DOCK1: variants seen among roughly 807,000 people sequenced by gnomAD.
DOCK1 encodes dedicator of cytokinesis 1.
In DOCK1, 138 loss-of-function variants were observed where a neutral mutation model predicts 262.7. The observed-to-expected ratio is 0.53, with a 90% CI of 0.46 to 0.61. The LOEUF is 0.61. Ranked by LOEUF, DOCK1 falls within the 20% of genes least tolerant of loss-of-function variation. DOCK1 has a pLI of 0.00. For synonymous variants in DOCK1, 866 were observed against 867.4 expected (o/e 1.00, Z 0.03); for missense variants, 1,908 against 2,370.7 (o/e 0.80, Z 4.05).
intron 12 of DOCK1, among the ~76,000 whole-genome samples, chr10:127,013,910 G>A (rs577058421): frequency 1.6e-4 from 25 of 152,340 alleles, no homozygotes; most frequent in African/African-American, 5.3e-4. Context: ...ATCGGCCGCC[G>A]GGACTGCAGG....
intron 18 of DOCK1, among the ~76,000 whole-genome samples, chr10:127,036,906 G>A (rs751863168): frequency 2.7e-5 from 4 of 150,612 alleles, no homozygotes; most frequent in African/African-American, 4.9e-5. Context: ...GAACCCAGGA[G>A]GCGGAGGTTG....
intron 25 of DOCK1, among the ~76,000 whole-genome samples, chr10:127,114,076 C>T (rs1008970256): frequency 6.6e-6 from 1 of 152,190 alleles, no homozygotes; most frequent in African/African-American, 2.4e-5. Flanking sequence ...TACATGCCAC[C>T]TCATGGCTCC....
chr10:127,427,838 C>G (rs1164319087), intron 47 of DOCK1, among the ~76,000 whole-genome samples: 3 of 152,368 alleles, frequency 2.0e-5, no homozygotes, highest in African/African-American at 4.8e-5. Flanking sequence ...AGCCTAGGAC[C>G]TGGTGTCCCT....
chr10:127,164,050 T>G (rs2133719420), intron 27 of DOCK1, among the ~76,000 whole-genome samples: 1 of 151,856 alleles, frequency 6.6e-6, no homozygotes, highest in African/African-American at 2.4e-5. Context: ...AGCATCACAG[T>G]TAGCAGGGAG....
intron 13 of DOCK1, 91 bp downstream of exon 13, chr10:127,018,926 T>C: frequency 6.5e-7 from 1 of 1,548,288 alleles, no homozygotes; most frequent in South Asian, 1.2e-5. Context: ...GTATGAGCTC[T>C]GGCAAGGAAA....
chr10:127,385,020 A>C, intron 38 of DOCK1, 111 bp downstream of exon 38: 3 of 1,311,092 alleles, frequency 2.3e-6, no homozygotes, highest in Non-Finnish European at 3.0e-6. Context: ...AATTTGTTAC[A>C]AGTTGTATAT....
intron 27 of DOCK1, among the ~76,000 whole-genome samples, chr10:127,241,706 A>G (rs1212714369): frequency 6.6e-6 from 1 of 152,136 alleles, no homozygotes; most frequent in Non-Finnish European, 1.5e-5. Context: ...CCTTGCTGAT[A>G]TGCTGGGAGC....
intron 29 of DOCK1, among the ~76,000 whole-genome samples, chr10:127,283,617 C>A (rs978111678): frequency 1.3e-5 from 2 of 152,200 alleles, no homozygotes; most frequent in Admixed American, 6.5e-5. Context: ...ATACTTTATT[C>A]TTTCATAATC....
chr10:127,342,780 C>CAT (rs201900493), intron 30 of DOCK1, among the ~76,000 whole-genome samples: 1 of 123,384 alleles, frequency 8.1e-6, no homozygotes, highest in Non-Finnish European at 1.9e-5. Flanking sequence ...TTTTAAACCG[C>CAT]ATATATGTAG....
At chr10:127,234,404 A>G (rs1395869453) in intron 27 of DOCK1, among the ~76,000 whole-genome samples, 1 of 152,182 alleles carries the variant, frequency 6.6e-6, no homozygotes, top group Non-Finnish European at 1.5e-5. Context: ...CAAAATGTTC[A>G]AAGGGTTATT....
chr10:127,354,291 C>A (rs1034999903), intron 31 of DOCK1, among the ~76,000 whole-genome samples: 1 of 152,296 alleles, frequency 6.6e-6, no homozygotes, highest in South Asian at 2.1e-4. Context: ...TGGAAAGCAA[C>A]CTGTTGTGTG....
intron 16 of DOCK1, among the ~76,000 whole-genome samples, chr10:127,030,697 C>T (rs1344941917): frequency 2.0e-5 from 3 of 152,170 alleles, no homozygotes; most frequent in Non-Finnish European, 2.9e-5. Context: ...TAGGAAATGG[C>T]AGTAAAACAA....
chr10:127,064,452 T>C (rs1415120778), intron 23 of DOCK1, among the ~76,000 whole-genome samples: 1 of 152,202 alleles, frequency 6.6e-6, no homozygotes, highest in Non-Finnish European at 1.5e-5. Context: ...CAGCTAGAAT[T>C]TTCAACAGGA....
intron 27 of DOCK1, among the ~76,000 whole-genome samples, chr10:127,149,316 C>A (rs946993142): frequency 6.6e-6 from 1 of 152,182 alleles, no homozygotes; most frequent in Non-Finnish European, 1.5e-5. Flanking sequence ...CAGGCTCTCA[C>A]GGGCTGATGT....
At chr10:127,269,871 GC>G (rs2060498406) in intron 29 of DOCK1, among the ~76,000 whole-genome samples, 2 of 152,354 alleles carry the variant, frequency 1.3e-5, no homozygotes, top group South Asian at 4.1e-4. Context: ...TCCTTGGGAA[GC>G]CCCGTTGGCA....
chr10:127,351,657 C>T (rs924911834), intron 31 of DOCK1, among the ~76,000 whole-genome samples: 5 of 152,070 alleles, frequency 3.3e-5, no homozygotes, highest in East Asian at 1.9e-4. Context: ...GCCACCAGCC[C>T]GGGGTTCTGC....
At chr10:126,979,006 A>G (rs2038755039) in intron 3 of DOCK1, among the ~76,000 whole-genome samples, 1 of 152,162 alleles carries the variant, frequency 6.6e-6, no homozygotes, top group Admixed American at 6.5e-5. Flanking sequence ...GTCATGTCTA[A>G]TGTGAGAGAC....
At chr10:126,968,549 A>G (rs1239082071) in intron 1 of DOCK1, among the ~76,000 whole-genome samples, 1 of 152,198 alleles carries the variant, frequency 6.6e-6, no homozygotes, top group East Asian at 1.9e-4. Flanking sequence ...TTAGAGGTGA[A>G]ACAGGAAGAA....
rs1012428801 is a variant in DOCK1 at position 126,932,694 on chromosome 10, G to A, written c.46+27131G>A. On this transcript the variant is annotated intron_variant, in intron 1 of 51. Coordinates refer to ENST00000623213, the MANE Select transcript of DOCK1 (RefSeq NM_001290223.2). ...CTTTGTGGTAGGTAAGGGGTGGACC[G>A]TCGCTGAAGTACCACGGCCCTCACT... Among the ~76,000 whole-genome samples the A allele has an allele frequency of 5.9e-3, 899 of 152,268 alleles. 8 individuals carry two copies. Among genetic ancestry groups the A allele is most frequent in the African/African-American group, 0.02 (828 of 41,574 alleles).
Sources: gnomAD v4.1 joint callset for allele counts (sites outside exome capture counted in the v4.1 genomes callset) on GRCh38, gnomAD v4.1.1 for gene constraint, MANE v1.5 for transcripts, NCBI Gene and HGNC (gene_info 2026-07-23, HGNC 2026-07-21) for gene names.